The following HCN2 variants were observed in gnomAD, a reference collection of about 807,000 sequenced individuals.
HCN2 encodes hyperpolarization activated cyclic nucleotide gated potassium and sodium channel 2.
In HCN2, 20 loss-of-function variants were observed where a neutral mutation model predicts 52.3. That is an observed-to-expected ratio of 0.38 (90% CI 0.27 to 0.56). The LOEUF is 0.56. Among genes scored for constraint, HCN2 ranks in the 20% least tolerant of loss-of-function variants. HCN2 has a pLI of 0.71. For missense variants in HCN2, 981 were observed against 1,207.7 expected (o/e 0.81, Z 2.78); for synonymous variants, 694 against 537.0 (o/e 1.29, Z -4.04).
At chr19:600,587 C>A (rs958297943) in intron 1 of HCN2, among the ~76,000 whole-genome samples, 1 of 151,846 alleles carries the variant, frequency 6.6e-6, no homozygotes, top group Non-Finnish European at 1.5e-5. Context: ...CCTCATGATG[C>A]GACCACCTTT....
rs577030222 is a variant in HCN2 at position 594,952 on chromosome 19, G to C, written c.632+4375G>C. ...ACTGTGGCTCATGCCTGTAATGCCA[G>C]TACTTTGGGAGGCGGAGGCGGGAGG... On this transcript the variant is annotated intron_variant, in intron 1 of 7. Coordinates refer to ENST00000251287, the MANE Select transcript of HCN2 (RefSeq NM_001194.4). Among the ~76,000 whole-genome samples, 35 of 152,294 alleles carry C rather than the reference G, an allele frequency of 2.3e-4. 1 individual carries two copies. The South Asian group carries it at 7.0e-3, about 31-fold the overall frequency.
chr19:590,421 A>T lies in HCN2; in HGVS notation c.476A>T (p.Gln159Leu), dbSNP rs763120747. 4.9e-6 allele frequency: 7 copies of T among 1,423,046 alleles called. No individual in the cohort carries two copies. In the South Asian group the frequency reaches 1.1e-4, roughly 21 times the overall value. The allele number at this position is 1,423,046 out of a possible 1,614,324, so 88.2% of individuals were successfully genotyped here. ...AGPAGEPRGS[Q>L]ASFMQRQFGA... ...CCGGCGGGGGAGCCGCGCGGCAGCC[A>T]GGCCAGCTTCATGCAGCGCCAGTTC... Residue 159 changes from glutamine to leucine, a missense_variant, in exon 1 of 8, where the codon CAG becomes CTG. Physicochemically the swap from Gln to Leu is moderately radical, Grantham distance 113. This residue lies in a region of HCN2 where 215 missense variants were observed against 179.4 expected (regional missense o/e 1.20). Transcript: ENST00000251287. This position sits in a 1 kb window ranked among gnomAD's most constrained non-coding sequence, Gnocchi z 7.2.
chr19:611,373 C>T (rs11085144), intron 5 of HCN2, among the ~76,000 whole-genome samples: 34,896 of 152,026 alleles, frequency 0.23, 4,910 homozygotes, highest in Non-Finnish European at 0.31. Context: ...GACGGGGAGG[C>T]GACATCAGCA....
chr19:598,784 AT>A lies in HCN2; in HGVS notation c.633-4755del, dbSNP rs141220031. Among the ~76,000 whole-genome samples, 4 of 151,956 alleles carry A rather than the reference AT, an allele frequency of 2.6e-5. No individual in the cohort carries two copies. In the East Asian group the frequency reaches 7.7e-4, roughly 29 times the overall value. On this transcript the variant is annotated intron_variant, in intron 1 of 7. Coordinates refer to ENST00000251287, the MANE Select transcript of HCN2 (RefSeq NM_001194.4). ...ACACAAAAAAATAATACATTTTTGT[AT>A]TTTTAGTAGAGACGGGGTTTCACCG...
chr19:612,888 C>T (rs560585829), intron 5 of HCN2, among the ~76,000 whole-genome samples: 13 of 151,718 alleles, frequency 8.6e-5, no homozygotes, highest in Admixed American at 3.9e-4. Context: ...CCGTGTTGCC[C>T]AGGCTGGTCT....
intron 1 of HCN2, among the ~76,000 whole-genome samples, chr19:600,014 C>G (rs756259812): frequency 3.9e-5 from 6 of 151,952 alleles, no homozygotes; most frequent in Non-Finnish European, 8.8e-5. Context: ...TGGCCTAGCC[C>G]CCAGTGTTAA....
intron 7 of HCN2, among the ~76,000 whole-genome samples, chr19:615,522 A>G (rs1429173004): frequency 6.6e-6 from 1 of 152,182 alleles, no homozygotes; most frequent in Non-Finnish European, 1.5e-5. Context: ...TCAGAAACAA[A>G]GCAAAACAAA....
intron 4 of HCN2, among the ~76,000 whole-genome samples, chr19:609,571 G>A (rs1268002030): frequency 6.6e-6 from 1 of 152,232 alleles, no homozygotes; most frequent in East Asian, 1.9e-4. Context: ...TTTAAGACCA[G>A]CCTGAGCAAC....
At position 617,151 on chromosome 19, in the gene HCN2, TGGCG is replaced by T; in HGVS notation, c.*678_*681del. 1 of 888,772 alleles carries T rather than the reference TGGCG, an allele frequency of 1.1e-6. No individual in the cohort carries two copies. Among genetic ancestry groups the T allele is most frequent in the Non-Finnish European group, 1.7e-6 (1 of 584,688 alleles). The allele number at this position is 888,772 out of a possible 1,614,324, so 55.1% of individuals were successfully genotyped here. On this transcript the variant is annotated 3_prime_UTR_variant, in exon 8 of 8. Coordinates refer to ENST00000251287, the MANE Select transcript of HCN2 (RefSeq NM_001194.4). The stretch of plus-strand genomic sequence containing the variant: ...CATTCCGCGCAATAAACGACAGCAT[TGGCG>T]CCAAGCCTGGCCGCGTGTGATTGCC...
rs1261726687 is a variant in HCN2, at chr19:616,308, C to T, written c.2504C>T (p.Ala835Val). The change falls in exon 8 of 8, where the codon GCG becomes GTG. Residue 835 changes from alanine to valine, a missense_variant. Transcript: ENST00000251287. ...PSLPHGAPGP[A>V]ASTRPASSST... is the part of the protein sequence containing the mutation. ...CTGCCTCACGGCGCCCCCGGCCCCGCGGCCTCCACACGCCCGGCCAGCAGC... is the reference window on the plus strand; with the variant it reads ...CTGCCTCACGGCGCCCCCGGCCCCGTGGCCTCCACACGCCCGGCCAGCAGC... The T allele has an allele frequency of 3.6e-6, 4 of 1,115,970 alleles. No individual in the cohort carries two copies. The highest frequency in any genetic ancestry group is 4.0e-4 in the Middle Eastern group (1 of 2,524). 69.1% of individuals were successfully genotyped at this position (1,115,970 alleles called of 1,614,324 possible). A position where few individuals can be genotyped will look rare whatever the true frequency, so the allele number is the denominator to read the frequency against.
At chr19:613,066 G>A (rs538189514) in intron 5 of HCN2, among the ~76,000 whole-genome samples, 182 bp from the exon 6 acceptor site, 14 of 152,330 alleles carry the variant, frequency 9.2e-5, no homozygotes, top group Admixed American at 6.5e-4. Flanking sequence ...ACGGCGAAGG[G>A]GCACTGAGCG....
In HCN2 at chr19:601,762, T is replaced by C. The variant is rs187247741; in HGVS notation, c.633-1782T>C. On this transcript the variant is annotated intron_variant, in intron 1 of 7. Coordinates refer to ENST00000251287, the MANE Select transcript of HCN2 (RefSeq NM_001194.4). ...GCGAAAGGGTTGGGCATCTGTCCAGTAGCCATTTGCTGACCCTCTATGACC... is the reference window on the plus strand; with the variant it reads ...GCGAAAGGGTTGGGCATCTGTCCAGCAGCCATTTGCTGACCCTCTATGACC... 2.1e-4 allele frequency among the ~76,000 whole-genome samples: 32 copies of C among 151,772 alleles called. No homozygotes were observed. The East Asian group carries it at 5.5e-3, about 26-fold the overall frequency.
rs1262992580 is a variant in HCN2 at position 616,248 on chromosome 19, G to A, written c.2444G>A (p.Arg815His). 11 of 1,008,838 alleles carry A rather than the reference G, an allele frequency of 1.1e-5. 1 individual carries two copies. In the South Asian group the frequency reaches 4.3e-4, roughly 39 times the overall value. 62.5% of individuals were successfully genotyped at this position (1,008,838 alleles called of 1,614,324 possible). A position where few individuals can be genotyped will look rare whatever the true frequency, so the allele number is the denominator to read the frequency against. Residue 815 changes from arginine to histidine, a missense_variant, in exon 8 of 8, where the codon CGC (arginine) becomes CAC (histidine). Coordinates refer to ENST00000251287, the MANE Select transcript of HCN2 (RefSeq NM_001194.4). Reference sequence around the variant, plus strand: ...GCCCTGCCCGCGCGCCGCCTGAGCCGCGCGTCGCGCCCACTGTCCGCCTCG... The same window carrying A: ...GCCCTGCCCGCGCGCCGCCTGAGCCACGCGTCGCGCCCACTGTCCGCCTCG... ...GPALPARRLS[R>H]ASRPLSASQP...
rs1284230581 is a variant in HCN2, at chr19:617,008, T to C, written c.*534T>C. 9 of 492,226 alleles carry C rather than the reference T, an allele frequency of 1.8e-5. No individual in the cohort carries two copies. The highest frequency in any genetic ancestry group is 3.4e-5 in the Admixed American group (1 of 29,120). 30.5% of individuals were successfully genotyped at this position (492,226 alleles called of 1,614,324 possible). A position where few individuals can be genotyped will look rare whatever the true frequency, so the allele number is the denominator to read the frequency against. Reference sequence around the variant, plus strand: ...CAGCACTGGCACCGAGAGGCAGGCCTGGCTGCGCAGGGCGCGGGGGGGAGG... The same window carrying C: ...CAGCACTGGCACCGAGAGGCAGGCCCGGCTGCGCAGGGCGCGGGGGGGAGG... On this transcript the variant is annotated 3_prime_UTR_variant, in exon 8 of 8. Coordinates refer to ENST00000251287, the MANE Select transcript of HCN2 (RefSeq NM_001194.4).
At chr19:609,776 C>T (rs1983545521) in intron 4 of HCN2, among the ~76,000 whole-genome samples, 1 of 152,162 alleles carries the variant, frequency 6.6e-6, no homozygotes, top group Admixed American at 6.5e-5. Context: ...TGGCGCACAC[C>T]TGCAGTCCCT....
chr19:607,613 C>T (rs552498098), intron 3 of HCN2, among the ~76,000 whole-genome samples: 3 of 152,352 alleles, frequency 2.0e-5, no homozygotes, highest in Non-Finnish European at 4.4e-5. Context: ...CCGCCCTGCC[C>T]CTCTGCTCTG....
At chr19:603,512 C>T in intron 1 of HCN2, 32 bp from the exon 2 acceptor site, 3 of 1,568,992 alleles carry the variant, frequency 1.9e-6, no homozygotes, top group Non-Finnish European at 2.6e-6. Flanking sequence ...CGGGGAGGCA[C>T]CGGCCTGAGG....
chr19:605,260 G>C, intron 3 of HCN2, 38 bp downstream of exon 3: 1 of 1,597,254 alleles, frequency 6.3e-7, no homozygotes, highest in Non-Finnish European at 8.5e-7. Flanking sequence ...GGAGACGCAG[G>C]CTCCCATACA....
At position 609,128 on chromosome 19, in the gene HCN2, G is replaced by A. The variant is rs891939694; in HGVS notation, c.1437+946G>A. On this transcript the variant is annotated intron_variant, in intron 4 of 7. Coordinates refer to ENST00000251287, the MANE Select transcript of HCN2 (RefSeq NM_001194.4). ...CCCCGTGCCAGGCGCCCTGCTGTCC[G>A]GAAGCCACGGGCCTCACACCCAAAC... 1.1e-4 allele frequency among the ~76,000 whole-genome samples: 16 copies of A among 152,318 alleles called. No individual in the cohort carries two copies. The East Asian group carries it at 1.9e-3, about 18-fold the overall frequency.
Sources: gnomAD v4.1 joint callset for allele counts (sites outside exome capture counted in the v4.1 genomes callset) on GRCh38, gnomAD v4.1.1 for gene constraint, gnomAD v4.1.1 regional missense constraint, Gnocchi (gnomAD v3.1) non-coding constraint, MANE v1.5 for transcripts, NCBI Gene and HGNC (gene_info 2026-07-23, HGNC 2026-07-21) for gene names.